TMEM50B: variants seen among roughly 807,000 people sequenced by gnomAD.
TMEM50B encodes the protein HCV p7-trans-regulated protein 3.
A neutral mutation model predicts 23.4 loss-of-function variants in TMEM50B; 14 were observed. The ratio of observed to expected loss-of-function variants is 0.60; its 90% confidence interval spans 0.39 to 0.93. The LOEUF is 0.93. Ranked by LOEUF, TMEM50B falls within the 40% of genes least tolerant of loss-of-function variation. The pLI is 0.00. For missense variants in TMEM50B, 159 were observed against 193.0 expected, an observed-to-expected ratio of 0.82 and a Z score of 1.04; for synonymous variants, 64 against 62.3, an observed-to-expected ratio of 1.03 and a Z score of -0.13.
chr21:33,466,959 A>G (rs779830474), intron 3 of TMEM50B, 51 bp downstream of exon 3: 16 of 1,481,618 alleles, frequency 1.1e-5, no homozygotes, highest in Non-Finnish European at 1.5e-5. Flanking sequence ...CATTAACAGG[A>G]AAGTATTTTT....
At chr21:33,442,703 T>G (rs1249892054) in intron 7 of TMEM50B, among the ~76,000 whole-genome samples, 1 of 152,038 alleles carries the variant, frequency 6.6e-6, no homozygotes, top group Non-Finnish European at 1.5e-5. Flanking sequence ...GGCAGATCAC[T>G]TGAGGTCAGG....
chr21:33,457,834 C>CT (rs1487562526), intron 5 of TMEM50B, among the ~76,000 whole-genome samples: 1 of 152,116 alleles, frequency 6.6e-6, no homozygotes, highest in Non-Finnish European at 1.5e-5. Flanking sequence ...TCTCCCTACT[C>CT]TGAGTTCCTG....
intron 5 of TMEM50B, 36 bp downstream of exon 5, chr21:33,460,377 T>A (rs771860368): frequency 1.5e-6 from 2 of 1,307,448 alleles, no homozygotes; most frequent in South Asian, 2.4e-5. Context: ...CATATCTGAA[T>A]CTCTCCTATA....
At chr21:33,456,113 G>C in intron 5 of TMEM50B, 1 of 552,268 alleles carries the variant, frequency 1.8e-6, no homozygotes, top group Non-Finnish European at 3.6e-6. Flanking sequence ...ATGCAAAATC[G>C]TAAAAACATA....
downstream of TMEM50B, among the ~76,000 whole-genome samples, chr21:33,444,296 C>T (rs1056340261): frequency 6.6e-6 from 1 of 152,174 alleles, no homozygotes; most frequent in African/African-American, 2.4e-5. Context: ...GCCTGTAATC[C>T]TAGCACTTTG....
intron 1 of TMEM50B, among the ~76,000 whole-genome samples, chr21:33,469,275 C>A (rs1039534796): frequency 2.0e-5 from 3 of 152,066 alleles, no homozygotes; most frequent in African/African-American, 4.8e-5. Context: ...TATTATGAAA[C>A]CTTGTCTCTA....
intron 4 of TMEM50B, among the ~76,000 whole-genome samples, chr21:33,462,631 C>A (rs35531797): frequency 0.18 from 27,979 of 151,974 alleles, 3,129 homozygotes; most frequent in Non-Finnish European, 0.24. Context: ...ATGATCATGC[C>A]ACTGCACTCT....
At chr21:33,464,245 T>C (rs2084243544) in intron 4 of TMEM50B, among the ~76,000 whole-genome samples, 1 of 150,982 alleles carries the variant, frequency 6.6e-6, no homozygotes, top group African/African-American at 2.4e-5. Context: ...TTGCCCAGGC[T>C]GGAGTCCAAT....
chr21:33,463,436 A>T (rs2084235008), intron 4 of TMEM50B, among the ~76,000 whole-genome samples: 1 of 152,266 alleles, frequency 6.6e-6, no homozygotes, highest in African/African-American at 2.4e-5. Context: ...AGGCAAAGCA[A>T]CCATCATAGA....
chr21:33,437,317 C>T (rs971509397), intron 8 of TMEM50B: 2 of 257,778 alleles, frequency 7.8e-6, no homozygotes, highest in Non-Finnish European at 7.7e-6. Flanking sequence ...ACCTGGTCGT[C>T]GTCTTGACTT....
chr21:33,471,244 AG>A (rs1277473623), intron 1 of TMEM50B, among the ~76,000 whole-genome samples: 1 of 152,226 alleles, frequency 6.6e-6, no homozygotes, highest in Non-Finnish European at 1.5e-5. Flanking sequence ...CACAATTTCA[AG>A]GTGATCAGCC....
chr21:33,459,367 T>G (rs1456788818), intron 5 of TMEM50B, among the ~76,000 whole-genome samples: 1 of 152,094 alleles, frequency 6.6e-6, no homozygotes, highest in Admixed American at 6.6e-5. Flanking sequence ...TACCCATGAC[T>G]TAAAAATTAC....
chr21:33,444,803 C>CAAAA (rs60816843), downstream of TMEM50B, among the ~76,000 whole-genome samples: 28 of 96,300 alleles, frequency 2.9e-4, 1 homozygote, highest in Admixed American at 1.1e-3. Context: ...CATCTCTTTA[C>CAAAA]AAAAAAAAAA....
chr21:33,440,214 TAA>T (rs1301147253), intron 7 of TMEM50B, among the ~76,000 whole-genome samples: 4 of 152,184 alleles, frequency 2.6e-5, no homozygotes, highest in African/African-American at 9.7e-5. Context: ...TTGGAATAGT[TAA>T]AGTCAAAAGA....
At chr21:33,474,622 A>C (rs2084349129) in intron 1 of TMEM50B, among the ~76,000 whole-genome samples, 1 of 145,136 alleles carries the variant, frequency 6.9e-6, no homozygotes, top group Non-Finnish European at 1.5e-5. Context: ...TAAAAATACA[A>C]AACCAAGCTG....
chr21:33,444,817 A>G (rs1451045263), downstream of TMEM50B, among the ~76,000 whole-genome samples: 2 of 150,494 alleles, frequency 1.3e-5, no homozygotes, highest in Non-Finnish European at 3.0e-5. Context: ...AAAAAAAAAA[A>G]AAAGAAAGAA....
chr21:33,476,266 C>G (rs2084369160), intron 1 of TMEM50B, among the ~76,000 whole-genome samples: 1 of 151,758 alleles, frequency 6.6e-6, no homozygotes, highest in Non-Finnish European at 1.5e-5. Context: ...GTCTGTAATC[C>G]CAGCTACTCA....
intron 2 of TMEM50B, among the ~76,000 whole-genome samples, chr21:33,468,020 C>T (rs1036997124): frequency 2.0e-5 from 3 of 146,762 alleles, no homozygotes; most frequent in African/African-American, 7.5e-5. Flanking sequence ...CTGTAAATAG[C>T]AACTGTACTC....
At chr21:33,461,998 T>C (rs1375552881) in intron 4 of TMEM50B, among the ~76,000 whole-genome samples, 4 of 152,106 alleles carry the variant, frequency 2.6e-5, no homozygotes, top group African/African-American at 9.7e-5. Context: ...AACTGTAACA[T>C]TTTCTCTTGT....
Sources: gnomAD v4.1 joint callset for allele counts (sites outside exome capture counted in the v4.1 genomes callset) on GRCh38, gnomAD v4.1.1 for gene constraint, MANE v1.5 for transcripts, NCBI Gene and HGNC (gene_info 2026-07-23, HGNC 2026-07-21) for gene names.